Variants in PPARD observed in about 807,000 individuals in gnomAD.
The protein encoded by PPARD is peroxisome proliferator activated receptor delta.
A neutral mutation model predicts 39.5 loss-of-function variants in PPARD; 6 were observed. The ratio of observed to expected loss-of-function variants is 0.15; its 90% CI spans 0.08 to 0.30. PPARD has a LOEUF of 0.30. Ranked by LOEUF, PPARD falls within the 10% of genes least tolerant of loss-of-function variation. The probability of loss-of-function intolerance (pLI) is 1.00; values close to 1 mark genes in which losing one functional copy is unlikely to be tolerated. For missense variants in PPARD, 397 were observed against 596.8 expected (o/e 0.67, Z 3.49); for synonymous variants, 210 against 231.3 (o/e 0.91, Z 0.83).
chr6:35,408,853 A>G (rs552535703), intron 2 of PPARD, among the ~76,000 whole-genome samples: 178 of 152,376 alleles, frequency 1.2e-3, no homozygotes, highest in South Asian at 0.011. Flanking sequence ...CCCAGCTCAC[A>G]TTAAATCTTA....
At position 35,349,049 on chromosome 6, in the gene PPARD, G is replaced by A. The variant is rs58090362; in HGVS notation, c.-102+1899G>A. 3.3e-3 allele frequency: 3,156 copies of A among 951,338 alleles called. 79 individuals are homozygous for A. In the African/African-American group the frequency reaches 0.052, roughly 16 times the overall value. 58.9% of individuals were successfully genotyped at this position (951,338 alleles called of 1,614,324 possible). A position where few individuals can be genotyped will look rare whatever the true frequency, so the allele number is the denominator to read the frequency against. ...TTCTTTTTTTTTTTTTTTTTGAGACGGAGTCTCGCTCTGTCACCCAGGCTG... is the reference window on the plus strand; with the variant it reads ...TTCTTTTTTTTTTTTTTTTTGAGACAGAGTCTCGCTCTGTCACCCAGGCTG... On this transcript the variant is annotated intron_variant, in intron 2 of 7. Coordinates refer to ENST00000360694, the MANE Select transcript of PPARD (RefSeq NM_006238.5).
chr6:35,373,673 C>CTTT (rs11321563), intron 2 of PPARD, among the ~76,000 whole-genome samples: 1 of 145,386 alleles, frequency 6.9e-6, no homozygotes, highest in Non-Finnish European at 1.5e-5. Flanking sequence ...TTCTTTCTTT[C>CTTT]TTTTTTTTTT....
In PPARD at chr6:35,365,130, C is replaced by CTTTTTTTTTTTTTTTT. The variant is rs551946022; in HGVS notation, c.-102+17985_-102+18000dup. 1.7e-4 allele frequency among the ~76,000 whole-genome samples: 21 copies of CTTTTTTTTTTTTTTTT among 121,076 alleles called. 2 individuals are homozygous for CTTTTTTTTTTTTTTTT. Among genetic ancestry groups the CTTTTTTTTTTTTTTTT allele is most frequent in the Admixed American group, 3.5e-4 (4 of 11,410 alleles). The allele number at this position is 121,076 out of a possible 152,430, so 79.4% of individuals were successfully genotyped here. A position where few individuals can be genotyped will look rare whatever the true frequency, so the allele number is the denominator to read the frequency against. On this transcript the variant is annotated intron_variant, in intron 2 of 7. Transcript: ENST00000360694. ...ACCAGACATGTAGAGCTTCCTTATTCTTTTTTTTTTTTTTTTTTTTGAGAT... is the reference window on the plus strand; with the variant it reads ...ACCAGACATGTAGAGCTTCCTTATTCTTTTTTTTTTTTTTTTTTTTTTTTTTTTTTTTTTTTGAGAT...
At chr6:35,396,160 A>G (rs548716116) in intron 2 of PPARD, among the ~76,000 whole-genome samples, 1 of 149,882 alleles carries the variant, frequency 6.7e-6, no homozygotes, top group East Asian at 2.0e-4. Context: ...CTACCCCTCA[A>G]TCTTTATTTT....
intron 2 of PPARD, among the ~76,000 whole-genome samples, chr6:35,349,890 C>T (rs541964871): frequency 2.6e-5 from 4 of 151,744 alleles, no homozygotes; most frequent in African/African-American, 4.8e-5. Flanking sequence ...TACAGGCGCC[C>T]GCCACCACGC....
intron 2 of PPARD, among the ~76,000 whole-genome samples, chr6:35,390,866 A>T (rs10428744): frequency 0.019 from 2,848 of 151,842 alleles, 87 homozygotes; most frequent in African/African-American, 0.058. Context: ...TATTAAAAAT[A>T]AAAAAAATTA....
intron 2 of PPARD, among the ~76,000 whole-genome samples, chr6:35,375,026 T>A (rs1762727177): frequency 6.6e-6 from 1 of 152,144 alleles, no homozygotes; most frequent in African/African-American, 2.4e-5. Context: ...CTCTTCAACC[T>A]TTTTGTGTCA....
intron 2 of PPARD, among the ~76,000 whole-genome samples, chr6:35,380,312 C>T (rs922545758): frequency 6.6e-6 from 1 of 152,112 alleles, no homozygotes; most frequent in Non-Finnish European, 1.5e-5. Flanking sequence ...AAAATGGTTG[C>T]CGTGGTTCCA....
chr6:35,355,788 T>A (rs899537938), intron 2 of PPARD, among the ~76,000 whole-genome samples: 4 of 151,310 alleles, frequency 2.6e-5, no homozygotes, highest in African/African-American at 9.7e-5. Flanking sequence ...ATTTTTTGTA[T>A]TTTTGGTAGA....
At chr6:35,346,943 C>T (rs980012276) in intron 1 of PPARD, 124 bp from the exon 2 acceptor site, 6 of 594,208 alleles carry the variant, frequency 1.0e-5, no homozygotes, top group African/African-American at 3.8e-5. Flanking sequence ...TGTAAGGGAC[C>T]GACGAGGAGC....
At chr6:35,383,881 C>T (rs1215816910) in intron 2 of PPARD, among the ~76,000 whole-genome samples, 24 of 146,706 alleles carry the variant, frequency 1.6e-4, no homozygotes, top group African/African-American at 6.0e-4. Context: ...GGCAGCCACC[C>T]CGTCTGGGAA....
At chr6:35,344,786 C>A (rs1245964641) in intron 1 of PPARD, among the ~76,000 whole-genome samples, 1 of 152,114 alleles carries the variant, frequency 6.6e-6, no homozygotes, top group East Asian at 1.9e-4. Context: ...GTTTTGTAAT[C>A]CTCTTGTACA....
rs374841039 is a variant in PPARD at position 35,366,830 on chromosome 6, G to A, written c.-102+19680G>A. Among the ~76,000 whole-genome samples, 10 of 152,358 alleles carry A rather than the reference G, an allele frequency of 6.6e-5. No individual in the cohort carries two copies. Among genetic ancestry groups the A allele is most frequent in the Admixed American group, 1.3e-4 (2 of 15,306 alleles). ...CTCCCAAAGTGCTGGGATTATGGGCGTGAGCCGCTGCATCCGGCCTCTGTA... is the reference window on the plus strand; with the variant it reads ...CTCCCAAAGTGCTGGGATTATGGGCATGAGCCGCTGCATCCGGCCTCTGTA... On this transcript the variant is annotated intron_variant, in intron 2 of 7. Coordinates refer to ENST00000360694, the MANE Select transcript of PPARD (RefSeq NM_006238.5). This position sits in a 1 kb window ranked among gnomAD's most constrained non-coding sequence, Gnocchi z 4.6.
At position 35,425,144 on chromosome 6, in the gene PPARD, C is replaced by T. The variant is rs1291517511; in HGVS notation, c.1078+365C>T. 6.6e-6 allele frequency: 5 copies of T among 761,806 alleles called. No individual in the cohort carries two copies. The highest frequency in any genetic ancestry group is 8.4e-5 in the South Asian group (2 of 23,856). 47.2% of individuals were successfully genotyped at this position (761,806 alleles called of 1,614,324 possible). A position where few individuals can be genotyped will look rare whatever the true frequency, so the allele number is the denominator to read the frequency against. ...AAAAAATTAGCCAGATGTGGTGGCA[C>T]GCGCCTGTAATCCCAGCTACTTGGG... is the stretch of plus-strand genomic sequence containing the variant. On this transcript the variant is annotated intron_variant, in intron 7 of 7. Transcript: ENST00000360694. The surrounding 1 kb of genome is among the most constrained non-coding windows in gnomAD (Gnocchi z 4.5).
intron 2 of PPARD, among the ~76,000 whole-genome samples, chr6:35,352,710 C>A (rs1761338838): frequency 6.6e-6 from 1 of 152,238 alleles, no homozygotes; most frequent in South Asian, 2.1e-4. Flanking sequence ...GGTGTCCACG[C>A]TGGCTTAGGC....
At chr6:35,418,131 G>A (rs1312513035) in intron 3 of PPARD, among the ~76,000 whole-genome samples, 2 of 152,164 alleles carry the variant, frequency 1.3e-5, no homozygotes, top group Non-Finnish European at 2.9e-5. Context: ...GCAGAGTCTC[G>A]CAGAGGAAGC....
At chr6:35,375,038 G>A (rs1025961552) in intron 2 of PPARD, among the ~76,000 whole-genome samples, 3 of 152,062 alleles carry the variant, frequency 2.0e-5, no homozygotes, top group Admixed American at 2.0e-4. Flanking sequence ...TTTGTGTCAC[G>A]ATGTTTAGGA....
chr6:35,424,004 T>C lies in PPARD; in HGVS notation c.483T>C (p.Thr161=), dbSNP rs1322063802. The change falls in exon 6 of 8, where the codon ACT becomes ACC. Residue 161 remains threonine (T), a synonymous_variant. Transcript: ENST00000360694. The surrounding 1 kb of genome is among the most constrained non-coding windows in gnomAD (Gnocchi z 7.1). ...AEKRKLVAGL[T]ANEGSQYNPQ... ...AGAGGAAGCTGGTGGCAGGGCTGAC[T>C]GCAAACGAGGGGAGCCAGTACAACC... The C allele has an allele frequency of 6.2e-7, 1 of 1,614,050 alleles. No individual in the cohort carries two copies. Among genetic ancestry groups the C allele is most frequent in the Non-Finnish European group, 8.5e-7 (1 of 1,180,034 alleles).
At chr6:35,346,826 A>G (rs1215594004) in intron 1 of PPARD, among the ~76,000 whole-genome samples, 1 of 152,232 alleles carries the variant, frequency 6.6e-6, no homozygotes, top group Non-Finnish European at 1.5e-5. Context: ...CGCCGACCTG[A>G]TAAAATCAGC....
Sources: allele counts gnomAD v4.1 joint callset (sites outside exome capture counted in the v4.1 genomes callset), GRCh38; gene constraint gnomAD v4.1.1; non-coding constraint Gnocchi (gnomAD v3.1); transcripts MANE v1.5; gene names NCBI Gene and HGNC (gene_info 2026-07-23, HGNC 2026-07-21).